Variants in MAP4K4 observed in about 807,000 individuals in gnomAD.
MAP4K4 encodes the protein mitogen-activated protein kinase kinase kinase kinase 4, also known as HPK/GCK-like kinase HGK.
MAP4K4 carries 38 observed loss-of-function variants against 189.6 expected under a neutral mutation model. The observed-to-expected ratio is 0.20, with a 90% CI of 0.15 to 0.26. The LOEUF is 0.26. MAP4K4 is among the 10% of genes least tolerant of loss of function. The probability of loss-of-function intolerance (pLI) is 1.00; values close to 1 mark genes in which losing one functional copy is unlikely to be tolerated. For missense variants in MAP4K4, 1,054 were observed against 1,726.9 expected (o/e 0.61, Z 6.91); for synonymous variants, 610 against 624.3 (o/e 0.98, Z 0.34).
intron 2 of MAP4K4, among the ~76,000 whole-genome samples, chr2:101,737,745 A>G (rs190345373): frequency 6.6e-6 from 1 of 151,850 alleles, no homozygotes; most frequent in Non-Finnish European, 1.5e-5. Flanking sequence ...TTTGAAAAGG[A>G]AAAAAACCCT....
At chr2:101,701,959 G>C (rs1042487235) in intron 2 of MAP4K4, among the ~76,000 whole-genome samples, 1 of 152,108 alleles carries the variant, frequency 6.6e-6, no homozygotes, top group Non-Finnish European at 1.5e-5. Context: ...TCCGTCTCCC[G>C]GGTTCAAGTG....
At chr2:101,874,560 C>T (rs1028088787) in intron 26 of MAP4K4, among the ~76,000 whole-genome samples, 2 of 152,046 alleles carry the variant, frequency 1.3e-5, no homozygotes, top group South Asian at 4.2e-4. Context: ...TTAGTGTAAC[C>T]ATCAGCCCAT....
intron 26 of MAP4K4, among the ~76,000 whole-genome samples, chr2:101,875,365 A>AT (rs74794907): frequency 0.011 from 1,583 of 145,932 alleles, 28 homozygotes; most frequent in African/African-American, 0.033. Context: ...GTTGTACAGC[A>AT]TTTTTTTTTT....
chr2:101,883,101 C>T (rs2098425987), intron 28 of MAP4K4, among the ~76,000 whole-genome samples: 1 of 152,198 alleles, frequency 6.6e-6, no homozygotes, highest in South Asian at 2.1e-4. Flanking sequence ...GGCTTATTCT[C>T]CACTTAGAGG....
intron 2 of MAP4K4, among the ~76,000 whole-genome samples, chr2:101,717,403 G>A (rs1480914533): frequency 2.6e-5 from 4 of 152,236 alleles, no homozygotes; most frequent in African/African-American, 9.6e-5. Context: ...GACGTTTGAA[G>A]ATGAGTTTTA....
chr2:101,835,370 C>A (rs2096719496), intron 8 of MAP4K4, among the ~76,000 whole-genome samples: 1 of 152,178 alleles, frequency 6.6e-6, no homozygotes, highest in Non-Finnish European at 1.5e-5. Context: ...GCCTAACACA[C>A]CTTTATTGGG....
chr2:101,894,236 CAAACA>C (rs1441440175), exon 33 of MAP4K4: 1 of 152,682 alleles, frequency 6.5e-6, no homozygotes, highest in Non-Finnish European at 1.5e-5. Flanking sequence ...AGTGCTCTTC[CAAACA>C]AAACAAAAAT....
intron 12 of MAP4K4, 71 bp downstream of exon 12, chr2:101,844,382 CAG>C: frequency 1.6e-6 from 2 of 1,255,900 alleles, no homozygotes; most frequent in Non-Finnish European, 2.3e-6. Flanking sequence ...GTTAGCCACT[CAG>C]AGGAATATCC....
At chr2:101,871,314 G>C (rs114501226) in intron 23 of MAP4K4, among the ~76,000 whole-genome samples, 180 bp from the exon 24 acceptor site, 1 of 152,196 alleles carries the variant, frequency 6.6e-6, no homozygotes, top group Non-Finnish European at 1.5e-5. Context: ...TTTGAATTCT[G>C]TTGGCACAAG....
intron 3 of MAP4K4, among the ~76,000 whole-genome samples, chr2:101,798,252 T>C (rs1315611000): frequency 2.0e-5 from 3 of 152,086 alleles, no homozygotes; most frequent in Non-Finnish European, 4.4e-5. Context: ...AGTACAGATA[T>C]ACTGTATATC....
In MAP4K4 at chr2:101,723,712, C is replaced by T. The variant is rs76375276; in HGVS notation, c.123+25174C>T. On this transcript the variant is annotated intron_variant, in intron 2 of 32. Coordinates refer to ENST00000324219, the Ensembl canonical transcript of MAP4K4. ...TAAGTACTTTTTGTTGCTAGCCTTG[C>T]TTTGTTTTCTACACTTTGAGAGAGA... Among the ~76,000 whole-genome samples, 209 of 152,276 alleles carry T rather than the reference C, an allele frequency of 1.4e-3. 2 individuals carry two copies. The highest frequency in any genetic ancestry group is 4.8e-3 in the African/African-American group (199 of 41,556).
intron 2 of MAP4K4, among the ~76,000 whole-genome samples, chr2:101,714,818 A>G (rs1246092318): frequency 6.6e-6 from 1 of 152,184 alleles, no homozygotes. Context: ...GCTGCAGTCC[A>G]CTTCGGGAAT....
chr2:101,862,158 C>T (rs1305084792), intron 16 of MAP4K4: 1 of 148,716 alleles, frequency 6.7e-6, no homozygotes, highest in Non-Finnish European at 1.5e-5. Context: ...TAACTTGAAC[C>T]CAGGAGTGGA....
At chr2:101,801,580 T>C (rs1410277948) in intron 3 of MAP4K4, among the ~76,000 whole-genome samples, 1 of 152,220 alleles carries the variant, frequency 6.6e-6, no homozygotes, top group African/African-American at 2.4e-5. Context: ...AACAGGTGTT[T>C]GGCGTAAACT....
At chr2:101,831,084 G>A (rs1337422297) in intron 6 of MAP4K4, among the ~76,000 whole-genome samples, 1 of 152,222 alleles carries the variant, frequency 6.6e-6, no homozygotes, top group Non-Finnish European at 1.5e-5. Context: ...GAGGCATTCT[G>A]TTAGAGGTCA....
At chr2:101,775,212 A>T (rs1385638126) in intron 2 of MAP4K4, among the ~76,000 whole-genome samples, 1 of 151,598 alleles carries the variant, frequency 6.6e-6, no homozygotes, top group Admixed American at 6.6e-5. Context: ...GTTTCTGGGG[A>T]CAGCTGGCCT....
chr2:101,727,562 C>T (rs987059003), intron 2 of MAP4K4, among the ~76,000 whole-genome samples: 2 of 152,118 alleles, frequency 1.3e-5, no homozygotes, highest in African/African-American at 4.8e-5. Context: ...GTGTTTTAGA[C>T]TCTTAAAATT....
At chr2:101,767,623 G>A (rs1208218568) in intron 2 of MAP4K4, among the ~76,000 whole-genome samples, 3 of 152,186 alleles carry the variant, frequency 2.0e-5, no homozygotes, top group African/African-American at 7.2e-5. Context: ...GTGAACCAAT[G>A]TCTCACCTTT....
intron 2 of MAP4K4, among the ~76,000 whole-genome samples, chr2:101,727,115 C>G (rs1372314791): frequency 1.3e-5 from 2 of 152,126 alleles, no homozygotes; most frequent in African/African-American, 4.8e-5. Context: ...AAGGCCCCAC[C>G]TCAATATTGC....
Sources: gnomAD v4.1 joint callset for allele counts (sites outside exome capture counted in the v4.1 genomes callset) on GRCh38, gnomAD v4.1.1 for gene constraint, MANE v1.5 for transcripts, NCBI Gene and HGNC (gene_info 2026-07-23, HGNC 2026-07-21) for gene names.